The following RAPGEF5 variants were observed in gnomAD, a reference collection of about 807,000 sequenced individuals.
RAPGEF5 encodes M-Ras-regulated GEF.
RAPGEF5 carries 65 observed loss-of-function variants against 125.2 expected under a neutral mutation model. That is an observed-to-expected ratio of 0.52 (90% CI 0.43 to 0.64). The LOEUF (loss-of-function observed/expected upper bound fraction) is 0.64, where lower values mean the gene tolerates loss of function less well. Ranked by LOEUF, RAPGEF5 falls within the 30% of genes least tolerant of loss-of-function variation. RAPGEF5 has a pLI of 0.00. For missense variants in RAPGEF5, 958 were observed against 1,048.1 expected (o/e 0.91, Z 1.19); for synonymous variants, 391 against 385.9 (o/e 1.01, Z -0.16).
chr7:22,334,246 T>A (rs1167693327), intron 1 of RAPGEF5, among the ~76,000 whole-genome samples: 2 of 150,110 alleles, frequency 1.3e-5, no homozygotes, highest in East Asian at 3.9e-4. Flanking sequence ...TTTTTCTCAT[T>A]CAACAAAACA....
intron 24 of RAPGEF5, among the ~76,000 whole-genome samples, chr7:22,127,220 G>C (rs1372174339): frequency 6.6e-6 from 1 of 151,688 alleles, no homozygotes; most frequent in Non-Finnish European, 1.5e-5. Context: ...TATATTTTTA[G>C]TAAAGACAGG....
intron 7 of RAPGEF5, among the ~76,000 whole-genome samples, chr7:22,234,266 G>A (rs992535007): frequency 5.3e-5 from 8 of 152,204 alleles, no homozygotes; most frequent in East Asian, 1.9e-4. Flanking sequence ...TTCCAGTGGT[G>A]TGGCTCATGT....
chr7:22,196,759 T>C (rs1455607478), intron 9 of RAPGEF5, among the ~76,000 whole-genome samples: 1 of 152,240 alleles, frequency 6.6e-6, no homozygotes, highest in Non-Finnish European at 1.5e-5. Context: ...GTGAGACAGA[T>C]GCTTCTGATT....
At chr7:22,274,649 A>G (rs1304783907) in intron 6 of RAPGEF5, among the ~76,000 whole-genome samples, 1 of 151,970 alleles carries the variant, frequency 6.6e-6, no homozygotes, top group East Asian at 1.9e-4. Context: ...TTTTTTACCA[A>G]TTCCGCTGCA....
chr7:22,142,473 T>A (rs767084951), intron 20 of RAPGEF5, among the ~76,000 whole-genome samples: 3 of 152,198 alleles, frequency 2.0e-5, no homozygotes, highest in Non-Finnish European at 4.4e-5. Flanking sequence ...CATGAACAAT[T>A]TTCCTGGTCC....
At chr7:22,329,526 G>A (rs1783874326) in intron 1 of RAPGEF5, among the ~76,000 whole-genome samples, 1 of 152,072 alleles carries the variant, frequency 6.6e-6, no homozygotes, top group Non-Finnish European at 1.5e-5. Context: ...CATTTCAGAT[G>A]TTTTAAAGAG....
intron 23 of RAPGEF5, among the ~76,000 whole-genome samples, chr7:22,133,696 A>T (rs1782991486): frequency 6.6e-6 from 1 of 152,154 alleles, no homozygotes; most frequent in Admixed American, 6.5e-5. Context: ...AAACAACTAG[A>T]TGATTCACTC....
intron 8 of RAPGEF5, among the ~76,000 whole-genome samples, chr7:22,222,109 G>A (rs372706826): frequency 9.9e-5 from 15 of 152,204 alleles, no homozygotes; most frequent in Admixed American, 2.6e-4. Flanking sequence ...TTAGCCGGGC[G>A]TGGTGGTGTG....
At chr7:22,283,113 G>T (rs1617040) in intron 6 of RAPGEF5, among the ~76,000 whole-genome samples, 2 of 151,516 alleles carry the variant, frequency 1.3e-5, no homozygotes, top group African/African-American at 4.9e-5. Context: ...TTATTTCTGG[G>T]TCATTTCATT....
At chr7:22,318,876 T>C (rs1347546989) in intron 1 of RAPGEF5, among the ~76,000 whole-genome samples, 1 of 152,218 alleles carries the variant, frequency 6.6e-6, no homozygotes, top group East Asian at 1.9e-4. Context: ...TTTCTGTGTG[T>C]CCATTTGCCC....
chr7:22,239,508 A>T (rs991394953), intron 7 of RAPGEF5, among the ~76,000 whole-genome samples: 1 of 151,964 alleles, frequency 6.6e-6, no homozygotes, highest in South Asian at 2.1e-4. Context: ...ACACTTGACA[A>T]GGGGCAACTC....
chr7:22,203,473 T>C (rs1459348843), intron 9 of RAPGEF5, among the ~76,000 whole-genome samples: 1 of 152,234 alleles, frequency 6.6e-6, no homozygotes, highest in African/African-American at 2.4e-5. Flanking sequence ...AAAGGCACAG[T>C]TGCATCCTTC....
intron 1 of RAPGEF5, 72 bp downstream of exon 1, chr7:22,356,758 C>T: frequency 3.5e-6 from 3 of 863,940 alleles, no homozygotes; most frequent in Non-Finnish European, 2.9e-6. Context: ...CCCCCCTCAG[C>T]GGCCCGGGGG....
intron 8 of RAPGEF5, among the ~76,000 whole-genome samples, chr7:22,224,727 C>T (rs921003006): frequency 1.3e-5 from 2 of 152,098 alleles, no homozygotes; most frequent in African/African-American, 4.8e-5. Flanking sequence ...CCTGTTCCCT[C>T]CTTTCACCGG....
chr7:22,122,917 C>T (rs1224262162), intron 25 of RAPGEF5, among the ~76,000 whole-genome samples: 1 of 152,094 alleles, frequency 6.6e-6, no homozygotes, highest in East Asian at 1.9e-4. Context: ...TTTAAATGGC[C>T]AGCACTGGGT....
chr7:22,247,035 C>A (rs772382210), intron 7 of RAPGEF5, among the ~76,000 whole-genome samples: 1 of 152,226 alleles, frequency 6.6e-6, no homozygotes, highest in African/African-American at 2.4e-5. Context: ...GAGTTATCAT[C>A]TGACACCAGT....
At chr7:22,218,214 T>C (rs1266405431) in intron 9 of RAPGEF5, among the ~76,000 whole-genome samples, 1 of 152,198 alleles carries the variant, frequency 6.6e-6, no homozygotes, top group Non-Finnish European at 1.5e-5. Context: ...TGACTACTTA[T>C]AATATTCTGG....
intron 20 of RAPGEF5, among the ~76,000 whole-genome samples, chr7:22,142,843 CG>C (rs1170141782): frequency 3.3e-5 from 5 of 152,226 alleles, no homozygotes; most frequent in African/African-American, 1.2e-4. Context: ...GCAGGAAAAA[CG>C]CTTCATGATT....
chr7:22,285,472 T>A (rs936738921), intron 6 of RAPGEF5, among the ~76,000 whole-genome samples: 1 of 152,190 alleles, frequency 6.6e-6, no homozygotes, highest in African/African-American at 2.4e-5. Context: ...TGAACCAGTA[T>A]CAATTTAAAA....
Sources: gnomAD v4.1 joint callset for allele counts (sites outside exome capture counted in the v4.1 genomes callset) on GRCh38, gnomAD v4.1.1 for gene constraint, MANE v1.5 for transcripts, NCBI Gene and HGNC (gene_info 2026-07-23, HGNC 2026-07-21) for gene names.